Variants in BRINP2 observed in about 807,000 individuals in gnomAD.
BRINP2 encodes BMP/retinoic acid-inducible neural-specific protein 2.
A neutral mutation model predicts 69.2 loss-of-function variants in BRINP2; 21 were observed. The ratio of observed to expected loss-of-function variants is 0.30; its 90% CI spans 0.22 to 0.44. The LOEUF (loss-of-function observed/expected upper bound fraction) is 0.44, where lower values mean the gene tolerates loss of function less well. Ranked by LOEUF, BRINP2 falls within the 20% of genes least tolerant of loss-of-function variation. The pLI is 1.00. For synonymous variants in BRINP2, 380 were observed against 394.1 expected (o/e 0.96, Z 0.42); for missense variants, 877 against 986.0 (o/e 0.89, Z 1.48).
At chr1:177,218,698 C>A (rs1649443283) in intron 1 of BRINP2, among the ~76,000 whole-genome samples, 1 of 152,108 alleles carries the variant, frequency 6.6e-6, no homozygotes, top group African/African-American at 2.4e-5. Context: ...AGGGAATTTC[C>A]TCTGTGTGGC....
chr1:177,245,304 G>T (rs1256564558), intron 2 of BRINP2, among the ~76,000 whole-genome samples: 1 of 151,904 alleles, frequency 6.6e-6, no homozygotes, highest in African/African-American at 2.4e-5. Context: ...AAGCAGAAAA[G>T]GTGGAGCATG....
chr1:177,210,204 G>C (rs961412043), intron 1 of BRINP2, among the ~76,000 whole-genome samples: 7 of 152,154 alleles, frequency 4.6e-5, no homozygotes, highest in Admixed American at 2.0e-4. Flanking sequence ...TATTTATCTA[G>C]TGCTTTTCAG....
chr1:177,233,781 C>A (rs545004749), intron 2 of BRINP2, among the ~76,000 whole-genome samples: 1 of 152,172 alleles, frequency 6.6e-6, no homozygotes, highest in Admixed American at 6.5e-5. Context: ...GCCCTTGTGT[C>A]TAAAGTTAAG....
rs1362764002 is a variant in BRINP2, at chr1:177,230,014, T to C, written c.138T>C (p.His46=). 1.9e-6 allele frequency: 3 copies of C among 1,613,676 alleles called. No homozygotes were observed. Among genetic ancestry groups the C allele is most frequent in the African/African-American group, 1.3e-5 (1 of 75,066 alleles). ...ATAAAVVPEQ[H]ASVAGQHPLD... is the part of the protein sequence containing the mutation. Reference sequence around the variant, plus strand: ...CGGCTGCTGTGGTCCCCGAGCAGCATGCCTCCGTAGCTGGCCAGCATCCCC... The same window carrying C: ...CGGCTGCTGTGGTCCCCGAGCAGCACGCCTCCGTAGCTGGCCAGCATCCCC... The change falls in exon 2 of 8, where the codon CAT becomes CAC. Residue 46 remains histidine, a synonymous_variant. Transcript: ENST00000361539.
chr1:177,231,114 A>G (rs1571917990), intron 2 of BRINP2, among the ~76,000 whole-genome samples: 1 of 152,222 alleles, frequency 6.6e-6, no homozygotes. Flanking sequence ...TTCTAGTCAT[A>G]TGAACACACT....
intron 4 of BRINP2, among the ~76,000 whole-genome samples, chr1:177,259,719 T>C (rs1254660034): frequency 5.3e-5 from 8 of 152,174 alleles, no homozygotes; most frequent in Non-Finnish European, 1.2e-4. Flanking sequence ...CAGTGCTCTA[T>C]AAATGGAACA....
At chr1:177,254,423 G>A (rs181417307) in intron 2 of BRINP2, among the ~76,000 whole-genome samples, 5 of 150,526 alleles carry the variant, frequency 3.3e-5, no homozygotes, top group Admixed American at 3.3e-4. Flanking sequence ...CTTCACTTAA[G>A]AATGTCCTTA....
At chr1:177,276,829 C>A (rs1651511883) in intron 6 of BRINP2, among the ~76,000 whole-genome samples, 1 of 152,174 alleles carries the variant, frequency 6.6e-6, no homozygotes, top group Non-Finnish European at 1.5e-5. Context: ...CAATACAATT[C>A]AGTTGTTGTT....
At chr1:177,176,924 A>C (rs1379397192) in intron 1 of BRINP2, among the ~76,000 whole-genome samples, 1 of 152,142 alleles carries the variant, frequency 6.6e-6, no homozygotes, top group Non-Finnish European at 1.5e-5. Context: ...CCGAGTAACT[A>C]ATCTTTAGGG....
Position 177,281,702 on chromosome 1 carries a change from G to A in BRINP2, c.*174G>A, listed in dbSNP as rs1425258802. 1.9e-5 allele frequency: 14 copies of A among 749,702 alleles called. No individual in the cohort carries two copies. Among genetic ancestry groups the A allele is most frequent in the South Asian group, 1.7e-4 (9 of 52,692 alleles). The allele number at this position is 749,702 out of a possible 1,614,324, so 46.4% of individuals were successfully genotyped here. On this transcript the variant is annotated 3_prime_UTR_variant, in exon 8 of 8. Transcript: ENST00000361539. ...CAGGCGAGAGAGAAACAGCTACTGC[G>A]TGCGTGCGCGCACGCATACACACAC...
chr1:177,262,134 T>C (rs1051968607), intron 4 of BRINP2, among the ~76,000 whole-genome samples: 20 of 152,286 alleles, frequency 1.3e-4, no homozygotes, highest in South Asian at 8.3e-4. Flanking sequence ...AAATGAGTGA[T>C]AACTGGGGAG....
chr1:177,201,226 T>C (rs570665894), intron 1 of BRINP2, among the ~76,000 whole-genome samples: 3 of 152,142 alleles, frequency 2.0e-5, no homozygotes, highest in Non-Finnish European at 4.4e-5. Context: ...AGGTATTGAA[T>C]AGAACTGGAC....
At chr1:177,274,403 C>G (rs532638163) in intron 5 of BRINP2, among the ~76,000 whole-genome samples, 8 of 152,328 alleles carry the variant, frequency 5.3e-5, no homozygotes, top group Non-Finnish European at 1.0e-4. Flanking sequence ...AACCCTCACT[C>G]AGGATCTACG....
chr1:177,276,100 T>C (rs979050374), intron 5 of BRINP2, 98 bp from the exon 6 acceptor site: 3 of 1,159,046 alleles, frequency 2.6e-6, no homozygotes, highest in Non-Finnish European at 3.8e-6. Flanking sequence ...GATGCACAAG[T>C]CAGCAGAACT....
At chr1:177,232,823 G>A (rs998209722) in intron 2 of BRINP2, among the ~76,000 whole-genome samples, 23 of 152,198 alleles carry the variant, frequency 1.5e-4, no homozygotes, top group African/African-American at 4.3e-4. Flanking sequence ...ATGCTTTGAA[G>A]GGGAAATACT....
At chr1:177,248,531 C>T (rs1181344604) in intron 2 of BRINP2, among the ~76,000 whole-genome samples, 5 of 151,008 alleles carry the variant, frequency 3.3e-5, no homozygotes, top group Non-Finnish European at 7.4e-5. Context: ...AATACTCTCC[C>T]CCTTAAGGCT....
chr1:177,276,694 G>A (rs780786973), intron 6 of BRINP2, among the ~76,000 whole-genome samples: 1 of 152,156 alleles, frequency 6.6e-6, no homozygotes, highest in Non-Finnish European at 1.5e-5. Flanking sequence ...CATAATTAAG[G>A]GCACAGACCT....
chr1:177,238,248 G>A (rs1650089188), intron 2 of BRINP2, among the ~76,000 whole-genome samples: 1 of 152,236 alleles, frequency 6.6e-6, no homozygotes. Context: ...TGGCTCCCAT[G>A]CCAGTTACCA....
intron 2 of BRINP2, among the ~76,000 whole-genome samples, chr1:177,230,690 C>G (rs898417407): frequency 8.5e-5 from 13 of 152,324 alleles, no homozygotes; most frequent in African/African-American, 3.1e-4. Flanking sequence ...CCCTTTAGGC[C>G]CATCCCCAGA....
Sources: allele counts gnomAD v4.1 joint callset (sites outside exome capture counted in the v4.1 genomes callset), GRCh38; gene constraint gnomAD v4.1.1; transcripts MANE v1.5; gene names NCBI Gene and HGNC (gene_info 2026-07-23, HGNC 2026-07-21).